The following STON2 variants were observed in gnomAD, a reference collection of about 807,000 sequenced individuals.
STON2 encodes the protein stonin 2, also known as stonin-2.
STON2 carries 29 observed loss-of-function variants against 65.7 expected under a neutral mutation model. That is an observed-to-expected ratio of 0.44 (90% CI 0.33 to 0.60). STON2 has a LOEUF of 0.60. Among genes scored for constraint, STON2 ranks in the 20% least tolerant of loss-of-function variants. The pLI, the probability that STON2 is intolerant of heterozygous loss-of-function variation, is 0.03. For missense variants in STON2, 1,054 were observed against 1,118.1 expected (o/e 0.94, Z 0.82); for synonymous variants, 404 against 414.2 (o/e 0.98, Z 0.30).
At chr14:81,296,249 C>T (rs866973790) in intron 5 of STON2, among the ~76,000 whole-genome samples, 15 of 152,198 alleles carry the variant, frequency 9.9e-5, no homozygotes, top group Middle Eastern at 3.4e-3. Context: ...GTGGGGAATA[C>T]AGGATATGTG....
At chr14:81,347,563 C>T (rs1471234243) in intron 4 of STON2, among the ~76,000 whole-genome samples, 2 of 141,324 alleles carry the variant, frequency 1.4e-5, no homozygotes, top group Non-Finnish European at 3.0e-5. Flanking sequence ...TTCTTCCTAA[C>T]TCATTTTATA....
At position 81,277,896 on chromosome 14, in the gene STON2, C is replaced by G; in HGVS notation, c.1586G>C (p.Arg529Pro). 2 of 1,614,168 alleles carry G rather than the reference C, an allele frequency of 1.2e-6. No individual in the cohort carries two copies. Among genetic ancestry groups the G allele is most frequent in the Non-Finnish European group, 1.7e-6 (2 of 1,180,042 alleles). Residue 529 changes from arginine (R) to proline (P), a missense_variant, in exon 6 of 8, where the codon CGT becomes CCT. Transcript: ENST00000614646. ...YYEQGLEKPF[R>P]EFKLEICHEI... is the part of the protein sequence containing the mutation. ...ATGACAGATCTCCAGCTTGAACTCA[C>G]GGAATGGTTTTTCTAGGCCCTGCTC...
chr14:81,307,479 T>C (rs962676709), intron 5 of STON2, among the ~76,000 whole-genome samples: 17 of 152,240 alleles, frequency 1.1e-4, no homozygotes, highest in African/African-American at 3.9e-4. Flanking sequence ...GCTTCAGAGT[T>C]AGAGAAATCT....
At position 81,349,532 on chromosome 14, in the gene STON2, A is replaced by G. The variant is rs551763198; in HGVS notation, c.571+21456T>C. On this transcript the variant is annotated intron_variant, in intron 4 of 7. Coordinates refer to ENST00000614646, the MANE Select transcript of STON2 (RefSeq NM_001394390.1). ...CAGAGAAATGCAAATCAAAGCCACAATGAGACATCTTACCCCTATCAGTAT... is the reference window on the plus strand; with the variant it reads ...CAGAGAAATGCAAATCAAAGCCACAGTGAGACATCTTACCCCTATCAGTAT... Among the ~76,000 whole-genome samples the G allele has an allele frequency of 3.3e-5, 5 of 152,272 alleles. No individual in the cohort carries two copies. In the South Asian group the frequency reaches 8.3e-4, roughly 25 times the overall value.
chr14:81,298,502 G>A (rs1018937666), intron 5 of STON2, among the ~76,000 whole-genome samples: 1 of 152,156 alleles, frequency 6.6e-6, no homozygotes, highest in African/African-American at 2.4e-5. Context: ...TCCATCTGTT[G>A]CAAGTCATTA....
intron 3 of STON2, among the ~76,000 whole-genome samples, chr14:81,383,998 A>G (rs1429217479): frequency 6.6e-6 from 1 of 152,122 alleles, no homozygotes; most frequent in African/African-American, 2.4e-5. Context: ...ACACACCAAG[A>G]GCACAGGTGC....
chr14:81,351,702 G>T (rs534820352), intron 4 of STON2, among the ~76,000 whole-genome samples: 1 of 152,290 alleles, frequency 6.6e-6, no homozygotes, highest in South Asian at 2.1e-4. Context: ...TTTTAAATCT[G>T]TTCAGTTTTT....
chr14:81,366,386 C>T (rs1476488224), intron 4 of STON2, among the ~76,000 whole-genome samples: 1 of 152,244 alleles, frequency 6.6e-6, no homozygotes, highest in East Asian at 1.9e-4. Context: ...ATAGGCTGGG[C>T]CCAGAGCACC....
chr14:81,287,859 G>T (rs968519869), intron 5 of STON2, among the ~76,000 whole-genome samples: 15 of 152,070 alleles, frequency 9.9e-5, no homozygotes, highest in African/African-American at 3.6e-4. Flanking sequence ...TTGGTTCCCT[G>T]CCTCAATGTG....
At chr14:81,416,697 C>T (rs914162959) in intron 2 of STON2, among the ~76,000 whole-genome samples, 2 of 152,170 alleles carry the variant, frequency 1.3e-5, no homozygotes, top group Non-Finnish European at 2.9e-5. Flanking sequence ...GTGGCCAAGT[C>T]ATCTGGGCCA....
chr14:81,402,966 T>G (rs111919817), upstream of STON2, among the ~76,000 whole-genome samples: 12 of 152,328 alleles, frequency 7.9e-5, no homozygotes, highest in African/African-American at 2.9e-4. Context: ...GGTTGCATGC[T>G]ATACCCTCAG....
intron 3 of STON2, among the ~76,000 whole-genome samples, chr14:81,372,995 TC>T (rs1235733585): frequency 6.6e-6 from 1 of 152,206 alleles, no homozygotes; most frequent in Non-Finnish European, 1.5e-5. Context: ...TTTAAAAATG[TC>T]ACCCTTTCTG....
At chr14:81,419,554 C>T (rs1409785120) in intron 2 of STON2, among the ~76,000 whole-genome samples, 2 of 152,178 alleles carry the variant, frequency 1.3e-5, no homozygotes, top group Admixed American at 6.5e-5. Context: ...GCCCAATTCC[C>T]CTAAATGAGG....
At position 81,372,250 on chromosome 14, in the gene STON2, T is replaced by C. The variant is rs59850028; in HGVS notation, c.374-1065A>G. Among the ~76,000 whole-genome samples the C allele has an allele frequency of 8.8e-3, 1,338 of 152,256 alleles. 10 individuals carry two copies. The highest frequency in any genetic ancestry group is 0.029 in the South Asian group (139 of 4,826). Reference sequence around the variant, plus strand: ...CTATCACATGCTGCCTCCACGGTGCTGCATAAGAATCATATCATTACGGCC... The same window carrying C: ...CTATCACATGCTGCCTCCACGGTGCCGCATAAGAATCATATCATTACGGCC... On this transcript the variant is annotated intron_variant, in intron 3 of 7. Transcript: ENST00000614646.
Position 81,429,699 on chromosome 14 carries a change from C to T in STON2, c.-309-2487G>A, listed in dbSNP as rs142556203. On this transcript the variant is annotated intron_variant, in intron 1 of 8. Transcript: ENST00000553821. ...CTGTAATCCCAGCACTTTGGGAGGC[C>T]GAGGCAGGTGGACCACCTGAGGTCA... 1.8e-4 allele frequency among the ~76,000 whole-genome samples: 28 copies of T among 152,116 alleles called. No individual in the cohort carries two copies. The East Asian group carries it at 3.5e-3, about 19-fold the overall frequency.
intron 4 of STON2, among the ~76,000 whole-genome samples, chr14:81,370,689 GAAAAT>G (rs1461294542): frequency 1.6e-4 from 25 of 152,200 alleles, no homozygotes; most frequent in Admixed American, 1.6e-3. Flanking sequence ...AATTCCAGGA[GAAAAT>G]AAATTGACAG....
intron 5 of STON2, among the ~76,000 whole-genome samples, chr14:81,290,927 A>G (rs772330451): frequency 3.9e-5 from 6 of 152,190 alleles, no homozygotes; most frequent in Admixed American, 6.5e-5. Flanking sequence ...AAAAACAGGA[A>G]AACAACTAAT....
chr14:81,297,174 A>G (rs1262418449), intron 5 of STON2, among the ~76,000 whole-genome samples: 4 of 152,216 alleles, frequency 2.6e-5, no homozygotes, highest in Non-Finnish European at 5.9e-5. Flanking sequence ...CAAGACAAGT[A>G]GTGGCCTGGC....
rs1894412979 is a variant in STON2 at position 81,267,760 on chromosome 14, T to A, written c.*654A>T. On this transcript the variant is annotated 3_prime_UTR_variant, in exon 8 of 8. Transcript: ENST00000614646. The stretch of plus-strand genomic sequence containing the variant: ...TCCTATTGTGCCTTTTTCCATTGTC[T>A]ATTGTGACTCAGGATAGCAAATCCT... The A allele has an allele frequency of 1.0e-6, 1 of 985,296 alleles. No individual in the cohort carries two copies. The highest frequency in any genetic ancestry group is 6.1e-5 in the Admixed American group (1 of 16,266). 61.0% of individuals were successfully genotyped at this position (985,296 alleles called of 1,614,324 possible).
Sources: allele counts gnomAD v4.1 joint callset (sites outside exome capture counted in the v4.1 genomes callset), GRCh38; gene constraint gnomAD v4.1.1; transcripts MANE v1.5; gene names NCBI Gene and HGNC (gene_info 2026-07-23, HGNC 2026-07-21).